The following CFAP69 variants were observed in gnomAD, a reference collection of about 807,000 sequenced individuals.
The protein encoded by CFAP69 is cilia- and flagella-associated protein 69.
CFAP69 carries 92 observed loss-of-function variants against 123.0 expected under a neutral mutation model. The ratio of observed to expected loss-of-function variants is 0.75; its 90% CI spans 0.63 to 0.89. CFAP69 has a LOEUF of 0.89. Among genes scored for constraint, CFAP69 ranks in the 40% least tolerant of loss-of-function variants. CFAP69 has a pLI of 0.00. For synonymous variants in CFAP69, 380 were observed against 364.3 expected (o/e 1.04, Z -0.49); for missense variants, 1,067 against 1,096.9 (o/e 0.97, Z 0.39).
At chr7:90,272,175 A>T in intron 8 of CFAP69, 1 of 399,276 alleles carries the variant, frequency 2.5e-6, no homozygotes, top group Non-Finnish European at 4.4e-6. Context: ...GCTTCTTAAC[A>T]CTAAAATATA....
At chr7:90,298,428 G>A (rs560018586) in intron 16 of CFAP69, among the ~76,000 whole-genome samples, 3 of 152,248 alleles carry the variant, frequency 2.0e-5, no homozygotes, top group Admixed American at 6.5e-5. Flanking sequence ...GATGATATGG[G>A]AGGAAACGTA....
At chr7:90,264,954 C>G (rs1475634780) in intron 4 of CFAP69, among the ~76,000 whole-genome samples, 1 of 151,954 alleles carries the variant, frequency 6.6e-6, no homozygotes, top group Non-Finnish European at 1.5e-5. Context: ...CCACCATGCC[C>G]AGTGAATTTT....
intron 1 of CFAP69, among the ~76,000 whole-genome samples, 192 bp from the exon 2 acceptor site, chr7:90,255,231 G>A (rs1197930741): frequency 6.6e-6 from 1 of 152,174 alleles, no homozygotes; most frequent in Non-Finnish European, 1.5e-5. Flanking sequence ...CTAGAATTCA[G>A]GAGGGGTTTT....
At chr7:90,250,122 C>T (rs746026035) in intron 1 of CFAP69, among the ~76,000 whole-genome samples, 124 of 150,766 alleles carry the variant, frequency 8.2e-4, no homozygotes, top group Non-Finnish European at 1.6e-3. Context: ...GCAGGAGGAT[C>T]GCTTGAGCCT....
intron 1 of CFAP69, among the ~76,000 whole-genome samples, chr7:90,250,463 T>G (rs1272856572): frequency 6.6e-6 from 1 of 152,188 alleles, no homozygotes; most frequent in Non-Finnish European, 1.5e-5. Context: ...AGGACCACTA[T>G]AAGTGTTAGT....
intron 15 of CFAP69, among the ~76,000 whole-genome samples, chr7:90,289,038 A>T (rs551605877): frequency 3.9e-5 from 6 of 152,106 alleles, no homozygotes; most frequent in African/African-American, 1.4e-4. Flanking sequence ...TTTTTAAAAA[A>T]ATTACATTGT....
At chr7:90,266,652 T>C (rs1799204881) in intron 5 of CFAP69, among the ~76,000 whole-genome samples, 1 of 152,202 alleles carries the variant, frequency 6.6e-6, no homozygotes, top group Non-Finnish European at 1.5e-5. Flanking sequence ...AACATGTTAC[T>C]ATCTCATATG....
intron 20 of CFAP69, 116 bp from the exon 21 acceptor site, chr7:90,307,652 A>G (rs1793794902): frequency 1.7e-6 from 1 of 584,314 alleles, no homozygotes; most frequent in African/African-American, 1.9e-5. Context: ...TTTAAAAGGC[A>G]GAGAGATACT....
At chr7:90,286,577 A>T in intron 14 of CFAP69, 178 bp downstream of exon 14, 1 of 516,060 alleles carries the variant, frequency 1.9e-6, no homozygotes, top group South Asian at 3.2e-5. Context: ...CACCCATTTA[A>T]CTCATACCCC....
chr7:90,290,928 T>C (rs1260927341), intron 15 of CFAP69, among the ~76,000 whole-genome samples: 4 of 152,168 alleles, frequency 2.6e-5, no homozygotes, highest in East Asian at 3.9e-4. Flanking sequence ...CCACCAGTGA[T>C]AGCTTGTTCA....
At chr7:90,297,000 A>G (rs1168225671) in intron 15 of CFAP69, among the ~76,000 whole-genome samples, 1 of 152,218 alleles carries the variant, frequency 6.6e-6, no homozygotes, top group African/African-American at 2.4e-5. Flanking sequence ...TCTGGAAAAT[A>G]CTTGGACAGG....
rs1792294249 is a variant in CFAP69 at position 90,298,339 on chromosome 7, A to G, written c.1857+509A>G. On this transcript the variant is annotated intron_variant, in intron 16 of 22. Coordinates refer to ENST00000389297, the MANE Select transcript of CFAP69 (RefSeq NM_001039706.3). ...CAGATGTGAGCAAGCTAGGCCTTCC[A>G]ATAGAGACAGTGCCATCTAGCAGCT... Among the ~76,000 whole-genome samples, 6 of 152,314 alleles carry G rather than the reference A, an allele frequency of 3.9e-5. No individual in the cohort carries two copies. In the South Asian group the frequency reaches 1.0e-3, roughly 26 times the overall value.
At chr7:90,303,247 C>G (rs1793073325) in intron 17 of CFAP69, 1 of 151,378 alleles carries the variant, frequency 6.6e-6, no homozygotes, top group Non-Finnish European at 1.5e-5. Context: ...TAGATACAGA[C>G]TCATGTCATC....
chr7:90,299,796 C>CT (rs36006782), intron 16 of CFAP69, 71 bp from the exon 17 acceptor site: 452,588 of 997,846 alleles, frequency 0.45, 58,106 homozygotes, highest in Non-Finnish European at 0.46. Context: ...GTGTTTCTCT[C>CT]TTTTTTTTTT....
chr7:90,281,400 C>T (rs919021832), intron 12 of CFAP69, among the ~76,000 whole-genome samples: 2 of 151,762 alleles, frequency 1.3e-5, no homozygotes, highest in Non-Finnish European at 2.9e-5. Context: ...TGCTATTTAT[C>T]AAGACCTACG....
chr7:90,317,008 T>C, the CFAP69 span: 1 of 152,162 alleles, frequency 6.6e-6, no homozygotes, highest in South Asian at 2.1e-4. Flanking sequence ...ACTGTTTTTT[T>C]TGAGGAAAAC....
Position 90,287,397 on chromosome 7 carries a change from C to G in CFAP69, c.1657-837C>G, listed in dbSNP as rs150771414. ...TTATAAGAAACTGCCAAACAGTTTT[C>G]CAGAGTGGGCTGTACCATTTTAAAT... On this transcript the variant is annotated intron_variant, in intron 14 of 22. Transcript: ENST00000389297. 41 of 607,292 alleles carry G rather than the reference C, an allele frequency of 6.8e-5. No homozygotes were observed. In the East Asian group the frequency reaches 5.2e-3, roughly 77 times the overall value. The allele number at this position is 607,292 out of a possible 1,614,324, so 37.6% of individuals were successfully genotyped here. A position where few individuals can be genotyped will look rare whatever the true frequency, so the allele number is the denominator to read the frequency against.
chr7:90,304,435 T>C, intron 18 of CFAP69: 1 of 1,206,018 alleles, frequency 8.3e-7, no homozygotes, highest in Non-Finnish European at 1.0e-6. Flanking sequence ...TTGCTGTCTA[T>C]TAAGGAAAAA....
chr7:90,315,245 C>T (rs535706399), downstream of CFAP69, among the ~76,000 whole-genome samples: 2 of 152,236 alleles, frequency 1.3e-5, no homozygotes, highest in African/African-American at 4.8e-5. Context: ...CCAGCCATCC[C>T]ATGACTGAGT....
Sources: gnomAD v4.1 joint callset for allele counts (sites outside exome capture counted in the v4.1 genomes callset) on GRCh38, gnomAD v4.1.1 for gene constraint, MANE v1.5 for transcripts, NCBI Gene and HGNC (gene_info 2026-07-23, HGNC 2026-07-21) for gene names.